Variants in TRHDE observed in about 807,000 individuals in gnomAD.
TRHDE encodes the protein thyrotropin releasing hormone degrading enzyme, also known as thyrotropin-releasing hormone-degrading ectoenzyme.
In TRHDE, 72 loss-of-function variants were observed where a neutral mutation model predicts 125.7. The observed-to-expected ratio is 0.57, with a 90% CI of 0.47 to 0.70. The LOEUF (loss-of-function observed/expected upper bound fraction) is 0.70, where lower values mean the gene tolerates loss of function less well. Ranked by LOEUF, TRHDE falls within the 30% of genes least tolerant of loss-of-function variation. The pLI, the probability that TRHDE is intolerant of heterozygous loss-of-function variation, is 0.00. For synonymous variants in TRHDE, 509 were observed against 509.1 expected, an observed-to-expected ratio of 1.00 and a Z score of 0.00; for missense variants, 1,110 against 1,327.1, an observed-to-expected ratio of 0.84 and a Z score of 2.54.
At chr12:72,156,719 G>C (rs935591740) in intron 2 of TRHDE, among the ~76,000 whole-genome samples, 2 of 152,270 alleles carry the variant, frequency 1.3e-5, no homozygotes, top group African/African-American at 4.8e-5. Context: ...GAATTTAAGT[G>C]TATTGGAGGT....
chr12:72,305,462 A>G (rs1024777189), intron 2 of TRHDE, among the ~76,000 whole-genome samples: 5 of 152,196 alleles, frequency 3.3e-5, no homozygotes, highest in African/African-American at 1.2e-4. Flanking sequence ...CCTTCGGGGC[A>G]AGTCAAATAA....
intron 2 of TRHDE, among the ~76,000 whole-genome samples, chr12:72,195,709 C>T (rs745557110): frequency 6.6e-6 from 1 of 152,068 alleles, no homozygotes; most frequent in Non-Finnish European, 1.5e-5. Flanking sequence ...TTTTGCTGTG[C>T]AGAAGCTCTT....
chr12:72,138,605 A>T (rs1446022315), intron 2 of TRHDE, among the ~76,000 whole-genome samples: 1 of 152,202 alleles, frequency 6.6e-6, no homozygotes, highest in African/African-American at 2.4e-5. Context: ...GATCAGTTCC[A>T]GCTTGGAAAA....
At chr12:72,171,709 G>A (rs569498848) in intron 2 of TRHDE, among the ~76,000 whole-genome samples, 1 of 152,308 alleles carries the variant, frequency 6.6e-6, no homozygotes, top group African/African-American at 2.4e-5. Context: ...GCCAACACAA[G>A]GCCACTGCCT....
chr12:72,219,826 A>G (rs370560162), intron 2 of TRHDE, among the ~76,000 whole-genome samples: 2 of 152,128 alleles, frequency 1.3e-5, no homozygotes, highest in African/African-American at 4.8e-5. Flanking sequence ...GTAAATATAA[A>G]TAGAACACAG....
intron 3 of TRHDE, among the ~76,000 whole-genome samples, chr12:72,382,336 G>A (rs1206169087): frequency 2.6e-5 from 4 of 152,010 alleles, no homozygotes; most frequent in Non-Finnish European, 5.9e-5. Context: ...ATGGGGTTGG[G>A]GAGGGGGGGA....
At chr12:72,448,613 T>C (rs866605181) in intron 3 of TRHDE, among the ~76,000 whole-genome samples, 3 of 151,984 alleles carry the variant, frequency 2.0e-5, no homozygotes, top group African/African-American at 7.2e-5. Context: ...CAAAGTTGTG[T>C]CCGTTATGTA....
At chr12:72,312,168 A>G (rs946471289) in intron 2 of TRHDE, among the ~76,000 whole-genome samples, 4 of 152,130 alleles carry the variant, frequency 2.6e-5, no homozygotes, top group Admixed American at 6.5e-5. Context: ...TAAAATCAGG[A>G]CCGCCCTCAA....
chr12:72,132,003 A>T (rs1158667232), intron 2 of TRHDE, among the ~76,000 whole-genome samples: 4 of 152,230 alleles, frequency 2.6e-5, no homozygotes, highest in Non-Finnish European at 5.9e-5. Flanking sequence ...TATAGAGCTT[A>T]TTTGCAGATG....
chr12:72,500,858 T>TTTC (rs1466994638), intron 6 of TRHDE, among the ~76,000 whole-genome samples: 2 of 149,060 alleles, frequency 1.3e-5, no homozygotes, highest in East Asian at 3.9e-4. Context: ...TCTTTTTTTT[T>TTTC]TTTTTTTTTT....
chr12:72,287,044 C>G, intron 2 of TRHDE, 90 bp downstream of exon 2: 3 of 1,286,592 alleles, frequency 2.3e-6, no homozygotes, highest in Non-Finnish European at 3.2e-6. Flanking sequence ...CATTTCTAAC[C>G]TTTTTACACC....
intron 2 of TRHDE, among the ~76,000 whole-genome samples, chr12:72,141,515 T>C (rs1161265756): frequency 1.3e-5 from 2 of 152,168 alleles, no homozygotes; most frequent in African/African-American, 4.8e-5. Context: ...TCTGAAATAT[T>C]TTTGTGGTTA....
At chr12:72,532,104 G>C (rs1868586397) in intron 6 of TRHDE, among the ~76,000 whole-genome samples, 1 of 151,738 alleles carries the variant, frequency 6.6e-6, no homozygotes, top group South Asian at 2.1e-4. Context: ...TGTGTGTTTG[G>C]TTAAGTTCTA....
intron 5 of TRHDE, among the ~76,000 whole-genome samples, chr12:72,479,787 T>C (rs2135911210): frequency 6.6e-6 from 1 of 150,678 alleles, no homozygotes; most frequent in Admixed American, 6.6e-5. Flanking sequence ...GCATTAGGTA[T>C]ATCTCCTAAT....
chr12:72,484,972 A>T (rs1877334591), intron 5 of TRHDE, among the ~76,000 whole-genome samples: 1 of 152,140 alleles, frequency 6.6e-6, no homozygotes, highest in Admixed American at 6.5e-5. Context: ...AAGGAAATTC[A>T]TTGCCTCCGT....
At chr12:72,654,533 T>C (rs576255887) in intron 17 of TRHDE, among the ~76,000 whole-genome samples, 1 of 152,266 alleles carries the variant, frequency 6.6e-6, no homozygotes, top group South Asian at 2.1e-4. Flanking sequence ...TCAGACATTT[T>C]CCCTGCCTTT....
chr12:72,224,513 T>A (rs1447139581), intron 2 of TRHDE, among the ~76,000 whole-genome samples: 1 of 152,042 alleles, frequency 6.6e-6, no homozygotes, highest in Non-Finnish European at 1.5e-5. Flanking sequence ...TGCTTGGAAT[T>A]TGGTTGTGAG....
At chr12:72,580,466 A>C (rs1188400057) in intron 12 of TRHDE, among the ~76,000 whole-genome samples, 1 of 152,046 alleles carries the variant, frequency 6.6e-6, no homozygotes, top group African/African-American at 2.4e-5. Flanking sequence ...TTTGAGATGG[A>C]GTTTCACTCT....
chr12:72,345,025 GGTTGATAT>G (rs1870252882), intron 2 of TRHDE, among the ~76,000 whole-genome samples: 1 of 152,054 alleles, frequency 6.6e-6, no homozygotes, highest in Non-Finnish European at 1.5e-5. Context: ...ATGGCACAGT[GGTTGATAT>G]GTTTATTTAT....
Sources: allele counts gnomAD v4.1 joint callset (sites outside exome capture counted in the v4.1 genomes callset), GRCh38; gene constraint gnomAD v4.1.1; transcripts MANE v1.5; gene names NCBI Gene and HGNC (gene_info 2026-07-23, HGNC 2026-07-21).